Variants in MINDY3 observed in about 807,000 individuals in gnomAD.
MINDY3 encodes ubiquitin carboxyl-terminal hydrolase MINDY-3.
MINDY3 carries 38 observed loss-of-function variants against 69.2 expected under a neutral mutation model. The observed-to-expected ratio is 0.55, with a 90% CI of 0.42 to 0.72. The LOEUF is 0.72. MINDY3 is among the 30% of genes least tolerant of loss of function. The pLI is 0.00. For synonymous variants in MINDY3, 192 were observed against 180.1 expected (o/e 1.07, Z -0.53); for missense variants, 522 against 519.0 (o/e 1.01, Z -0.06).
intron 8 of MINDY3, 31 bp downstream of exon 8, chr10:15,833,597 CAA>C: frequency 7.6e-7 from 1 of 1,320,460 alleles, no homozygotes; most frequent in South Asian, 1.2e-5. Flanking sequence ...TATTATTCAT[CAA>C]AGAGAGCAAC....
chr10:15,850,857 G>T (rs1428131813), intron 1 of MINDY3, among the ~76,000 whole-genome samples: 3 of 152,080 alleles, frequency 2.0e-5, no homozygotes, highest in African/African-American at 7.2e-5. Context: ...GCTGACATGT[G>T]ATGTCTCCCC....
chr10:15,849,446 GTT>G (rs201568467), intron 1 of MINDY3, among the ~76,000 whole-genome samples: 1 of 142,936 alleles, frequency 7.0e-6, no homozygotes, highest in Admixed American at 7.0e-5. Context: ...CATCTTACTG[GTT>G]TTTTTTTTTT....
chr10:15,837,405 T>C, intron 5 of MINDY3, 87 bp from the exon 6 acceptor site: 1 of 1,238,996 alleles, frequency 8.1e-7, no homozygotes, highest in Non-Finnish European at 1.1e-6. Context: ...TTCTTATACA[T>C]TAAAACATAT....
At chr10:15,847,277 A>G (rs189030025) in intron 2 of MINDY3, among the ~76,000 whole-genome samples, 19 of 152,352 alleles carry the variant, frequency 1.2e-4, no homozygotes, top group South Asian at 1.0e-3. Context: ...TAACATACCA[A>G]GATTCCAAAT....
At chr10:15,832,299 T>G (rs1318351213) in intron 8 of MINDY3, among the ~76,000 whole-genome samples, 1 of 152,014 alleles carries the variant, frequency 6.6e-6, no homozygotes, top group Non-Finnish European at 1.5e-5. Flanking sequence ...AACCTATTGC[T>G]TCCCTAATCA....
At chr10:15,828,605 T>G (rs1840252848) in intron 8 of MINDY3, among the ~76,000 whole-genome samples, 1 of 151,692 alleles carries the variant, frequency 6.6e-6, no homozygotes, top group Admixed American at 6.6e-5. Context: ...AACAGATGCC[T>G]AAAATTTTAA....
At chr10:15,831,018 T>C (rs1376313114) in intron 8 of MINDY3, among the ~76,000 whole-genome samples, 2 of 152,110 alleles carry the variant, frequency 1.3e-5, no homozygotes, top group Admixed American at 6.5e-5. Flanking sequence ...ATAGTTCTTC[T>C]AAAACAGGAA....
At chr10:15,844,028 T>A (rs1232928937) in intron 2 of MINDY3, among the ~76,000 whole-genome samples, 1 of 152,126 alleles carries the variant, frequency 6.6e-6, no homozygotes, top group Admixed American at 6.6e-5. Flanking sequence ...AAAGTATTAG[T>A]GTACAGATTA....
In MINDY3 at chr10:15,837,268, T is replaced by G. The variant is rs780644394; in HGVS notation, c.512A>C (p.Gln171Pro). The change falls in exon 6 of 15, where the codon CAG (glutamine) becomes CCG (proline). Residue 171 changes from glutamine to proline, a missense_variant. Coordinates refer to ENST00000277632, the MANE Select transcript of MINDY3 (RefSeq NM_024948.4). ...LPELKDAVLD[Q>P]YSMWGNKFGV... ...AAATTTATTTCCCCACATTGAATAC[T>G]GGTCCAAGACAGCATCTTTTAATTC... 1.9e-6 allele frequency: 3 copies of G among 1,609,208 alleles called. No homozygotes were observed. In the South Asian group the frequency reaches 3.3e-5, roughly 18 times the overall value.
At chr10:15,794,619 A>G (rs1327528093) in intron 11 of MINDY3, among the ~76,000 whole-genome samples, 1 of 152,130 alleles carries the variant, frequency 6.6e-6, no homozygotes, top group African/African-American at 2.4e-5. Context: ...AAATTTTCAT[A>G]TGCATCTCTC....
At chr10:15,783,339 GC>G (rs1248580358) in intron 13 of MINDY3, among the ~76,000 whole-genome samples, 2 of 152,082 alleles carry the variant, frequency 1.3e-5, no homozygotes, top group African/African-American at 4.8e-5. Flanking sequence ...ATCATACAGG[GC>G]TTAATCTACC....
At chr10:15,859,510 T>C (rs974935619) in intron 1 of MINDY3, among the ~76,000 whole-genome samples, 1 of 152,170 alleles carries the variant, frequency 6.6e-6, no homozygotes, top group Non-Finnish European at 1.5e-5. Flanking sequence ...AATAAATGCT[T>C]ATTTTATTTC....
At chr10:15,799,370 T>C (rs529422959) in intron 10 of MINDY3, among the ~76,000 whole-genome samples, 151 of 152,156 alleles carry the variant, frequency 9.9e-4, no homozygotes, top group African/African-American at 3.5e-3. Flanking sequence ...GGCTAATTTT[T>C]GTATTTTTAG....
chr10:15,794,049 CAGAG>C (rs1837624108), intron 11 of MINDY3, among the ~76,000 whole-genome samples: 1 of 152,046 alleles, frequency 6.6e-6, no homozygotes, highest in South Asian at 2.1e-4. Flanking sequence ...ACCTACCTGT[CAGAG>C]AGCTGGGTTT....
intron 10 of MINDY3, among the ~76,000 whole-genome samples, chr10:15,798,894 T>C (rs190862656): frequency 6.6e-6 from 1 of 152,116 alleles, no homozygotes; most frequent in Admixed American, 6.6e-5. Flanking sequence ...GAACAGGCTA[T>C]ACAAGCTCAC....
intron 3 of MINDY3, among the ~76,000 whole-genome samples, chr10:15,842,904 C>CAAAA (rs370464190): frequency 6.5e-4 from 44 of 67,836 alleles, no homozygotes; most frequent in East Asian, 4.2e-3. Context: ...AATAAGACTA[C>CAAAA]AAAAAAAAAA....
At position 15,838,218 on chromosome 10, in the gene MINDY3, T is replaced by C; in HGVS notation, c.461+10A>G. The C allele has an allele frequency of 6.2e-7, 1 of 1,600,856 alleles. No homozygotes were observed. The highest frequency in any genetic ancestry group is 8.5e-7 in the Non-Finnish European group (1 of 1,174,852). Reference sequence around the variant, plus strand: ...AGAGTAAGTATTTTAAATGTTCCAATGTTACTTACTGAATTAATGCATGAA... The same window carrying C: ...AGAGTAAGTATTTTAAATGTTCCAACGTTACTTACTGAATTAATGCATGAA... On this transcript the variant is annotated intron_variant, in intron 5 of 14. Coordinates refer to ENST00000277632, the MANE Select transcript of MINDY3 (RefSeq NM_024948.4).
chr10:15,820,730 G>A (rs972944846), intron 9 of MINDY3, among the ~76,000 whole-genome samples: 1 of 152,032 alleles, frequency 6.6e-6, no homozygotes, highest in African/African-American at 2.4e-5. Flanking sequence ...GCTGTCTGAC[G>A]AAAAAGAGGA....
chr10:15,811,079 C>G lies in MINDY3; in HGVS notation c.882+5756G>C, dbSNP rs758704302. 1.3e-4 allele frequency among the ~76,000 whole-genome samples: 19 copies of G among 150,800 alleles called. 1 individual carries two copies. The highest frequency in any genetic ancestry group is 6.6e-4 in the South Asian group (3 of 4,558). Reference sequence around the variant, plus strand: ...GAAAAATTCAGTTTTCAAACTCTGCCAATTATTTTGATAATGCAAATGAAC... The same window carrying G: ...GAAAAATTCAGTTTTCAAACTCTGCGAATTATTTTGATAATGCAAATGAAC... On this transcript the variant is annotated intron_variant, in intron 10 of 14. Transcript: ENST00000277632.
Sources: gnomAD v4.1 joint callset for allele counts (sites outside exome capture counted in the v4.1 genomes callset) on GRCh38, gnomAD v4.1.1 for gene constraint, MANE v1.5 for transcripts, NCBI Gene and HGNC (gene_info 2026-07-23, HGNC 2026-07-21) for gene names.